Variants in PRIMA1 observed in about 807,000 individuals in gnomAD.
PRIMA1 encodes proline rich membrane anchor 1.
A neutral mutation model predicts 17.5 loss-of-function variants in PRIMA1; 7 were observed. The observed-to-expected ratio is 0.40, with a 90% CI of 0.23 to 0.75. The LOEUF (loss-of-function observed/expected upper bound fraction) is 0.75, where lower values mean the gene tolerates loss of function less well. Ranked by LOEUF, PRIMA1 falls within the 30% of genes least tolerant of loss-of-function variation. PRIMA1 has a pLI of 0.37. For missense variants in PRIMA1, 200 were observed against 201.8 expected (o/e 0.99, Z 0.05); for synonymous variants, 97 against 77.9 (o/e 1.25, Z -1.29).
chr14:93,772,071 A>T (rs1885086615), intron 3 of PRIMA1, among the ~76,000 whole-genome samples: 1 of 152,254 alleles, frequency 6.6e-6, no homozygotes, highest in Non-Finnish European at 1.5e-5. Context: ...TGAGATGAGG[A>T]GAGCAGAGCT....
chr14:93,737,174 G>A, intron 4 of PRIMA1, 67 bp downstream of exon 4: 6 of 1,542,226 alleles, frequency 3.9e-6, no homozygotes, highest in Non-Finnish European at 4.5e-6. Context: ...CGGGATGTGT[G>A]TAGGAGCCCC....
At chr14:93,774,964 C>T (rs902802461) in intron 3 of PRIMA1, among the ~76,000 whole-genome samples, 1 of 152,216 alleles carries the variant, frequency 6.6e-6, no homozygotes, top group African/African-American at 2.4e-5. Context: ...AGGGCTAGCA[C>T]GCCAACATAG....
intron 3 of PRIMA1, among the ~76,000 whole-genome samples, chr14:93,756,836 C>T (rs1011328966): frequency 2.0e-5 from 3 of 152,146 alleles, no homozygotes; most frequent in Non-Finnish European, 4.4e-5. Context: ...CAAGCCTTCC[C>T]TTAGCCCTCC....
At chr14:93,728,145 C>T (rs982827239) in intron 4 of PRIMA1, among the ~76,000 whole-genome samples, 12 of 152,234 alleles carry the variant, frequency 7.9e-5, no homozygotes, top group African/African-American at 2.9e-4. Flanking sequence ...GATTCATTCA[C>T]AGGTGGCTCC....
At chr14:93,743,203 G>A (rs1051775359) in intron 3 of PRIMA1, among the ~76,000 whole-genome samples, 6 of 152,182 alleles carry the variant, frequency 3.9e-5, no homozygotes, top group African/African-American at 1.2e-4. Flanking sequence ...CAGCCCACTC[G>A]CCCCCATGGC....
intron 3 of PRIMA1, among the ~76,000 whole-genome samples, chr14:93,776,643 C>G (rs1211314621): frequency 6.6e-6 from 1 of 152,252 alleles, no homozygotes; most frequent in Non-Finnish European, 1.5e-5. Flanking sequence ...AGGCTCATCA[C>G]TGCCCAGAGC....
Position 93,747,825 on chromosome 14 carries a change from TTGTG to T in PRIMA1, c.230-10459_230-10456del, listed in dbSNP as rs940855730. On this transcript the variant is annotated intron_variant, in intron 3 of 4. Transcript: ENST00000393140. ...GGGGACTGAGTGTGTGGGAGTGTGA[TTGTG>T]TGTGAGAGTGTATGAGTGTGTGTAT... Among the ~76,000 whole-genome samples the T allele has an allele frequency of 4.3e-5, 6 of 138,856 alleles. No individual in the cohort carries two copies. The South Asian group carries it at 7.1e-4, about 16-fold the overall frequency. 91.1% of individuals were successfully genotyped at this position (138,856 alleles called of 152,430 possible).
intron 3 of PRIMA1, among the ~76,000 whole-genome samples, chr14:93,771,995 C>A (rs567701563): frequency 1.3e-5 from 2 of 152,204 alleles, no homozygotes; most frequent in Non-Finnish European, 2.9e-5. Context: ...CCTCTCTGAA[C>A]CTCTGAGCTC....
At chr14:93,773,623 G>C (rs755738198) in intron 3 of PRIMA1, among the ~76,000 whole-genome samples, 1 of 152,250 alleles carries the variant, frequency 6.6e-6, no homozygotes, top group Non-Finnish European at 1.5e-5. Context: ...AAGTGGAGAT[G>C]CTGCTTGAGA....
intron 3 of PRIMA1, among the ~76,000 whole-genome samples, chr14:93,742,896 C>G (rs188582095): frequency 9.1e-4 from 139 of 152,326 alleles, no homozygotes; most frequent in African/African-American, 3.1e-3. Context: ...ACAGCTAACT[C>G]AGTACATACT....
At chr14:93,733,989 C>T (rs2076132526) in intron 4 of PRIMA1, among the ~76,000 whole-genome samples, 1 of 152,182 alleles carries the variant, frequency 6.6e-6, no homozygotes. Flanking sequence ...GCCGCCCTCC[C>T]CAGCCTCCTT....
At chr14:93,783,270 C>T (rs755782800) in intron 2 of PRIMA1, among the ~76,000 whole-genome samples, 51 of 152,182 alleles carry the variant, frequency 3.4e-4, no homozygotes, top group Non-Finnish European at 4.7e-4. Context: ...TGGGCATAAC[C>T]GGGAGAGATA....
chr14:93,781,029 G>A (rs1157223268), intron 2 of PRIMA1, among the ~76,000 whole-genome samples: 3 of 152,262 alleles, frequency 2.0e-5, no homozygotes, highest in African/African-American at 4.8e-5. Flanking sequence ...GGCTCCCATC[G>A]CACCTGGAAG....
chr14:93,733,110 G>A (rs993012199), intron 4 of PRIMA1, among the ~76,000 whole-genome samples: 7 of 152,226 alleles, frequency 4.6e-5, no homozygotes, highest in African/African-American at 1.7e-4. Context: ...CCCCTCTGGA[G>A]TTTGGGGTCA....
At chr14:93,758,352 G>A (rs1048673953) in intron 3 of PRIMA1, among the ~76,000 whole-genome samples, 2 of 152,204 alleles carry the variant, frequency 1.3e-5, no homozygotes, top group South Asian at 2.1e-4. Context: ...TTGGGAGGCC[G>A]AGGCAAGCAG....
At chr14:93,737,493 G>A in intron 3 of PRIMA1, 123 bp from the exon 4 acceptor site, 2 of 1,154,118 alleles carry the variant, frequency 1.7e-6, no homozygotes, top group Non-Finnish European at 2.4e-6. Flanking sequence ...GGACCATCAT[G>A]GGTGACACCA....
chr14:93,770,425 G>A (rs368140445), intron 3 of PRIMA1, among the ~76,000 whole-genome samples: 114 of 152,282 alleles, frequency 7.5e-4, no homozygotes, highest in Non-Finnish European at 5.1e-4. Context: ...GTCTTCCCTC[G>A]TAGCAGGCAG....
At chr14:93,725,342 A>G (rs2076068096) in intron 4 of PRIMA1, among the ~76,000 whole-genome samples, 1 of 151,804 alleles carries the variant, frequency 6.6e-6, no homozygotes, top group South Asian at 2.1e-4. Context: ...CTGCCACCGG[A>G]GCTGAGTCCC....
At chr14:93,776,634 G>T (rs902414191) in intron 3 of PRIMA1, among the ~76,000 whole-genome samples, 4 of 152,222 alleles carry the variant, frequency 2.6e-5, no homozygotes, top group African/African-American at 7.2e-5. Flanking sequence ...CACCTTCGTA[G>T]GCTCATCACT....
Sources: gnomAD v4.1 joint callset for allele counts (sites outside exome capture counted in the v4.1 genomes callset) on GRCh38, gnomAD v4.1.1 for gene constraint, MANE v1.5 for transcripts, NCBI Gene and HGNC (gene_info 2026-07-23, HGNC 2026-07-21) for gene names.